The following NRCAM variants were observed in gnomAD, a reference collection of about 807,000 sequenced individuals.
NRCAM encodes NgCAM-related cell adhesion molecule.
In NRCAM, 83 loss-of-function variants were observed where a neutral mutation model predicts 156.5. That is an observed-to-expected ratio of 0.53 (90% CI 0.44 to 0.64). The LOEUF (loss-of-function observed/expected upper bound fraction) is 0.64, where lower values mean the gene tolerates loss of function less well. Ranked by LOEUF, NRCAM falls within the 30% of genes least tolerant of loss-of-function variation. The probability of loss-of-function intolerance (pLI) is 0.00; values close to 1 mark genes in which losing one functional copy is unlikely to be tolerated. For synonymous variants in NRCAM, 538 were observed against 563.9 expected (o/e 0.95, Z 0.65); for missense variants, 1,417 against 1,597.3 (o/e 0.89, Z 1.92).
intron 1 of NRCAM, among the ~76,000 whole-genome samples, chr7:108,412,740 C>T (rs1796977474): frequency 6.6e-6 from 1 of 152,122 alleles, no homozygotes; most frequent in African/African-American, 2.4e-5. Context: ...CCATTCTACT[C>T]TCTACTTCTA....
rs752667976 is a variant in NRCAM at position 108,189,742 on chromosome 7, G to C, written c.1938C>G (p.Val646=). The C allele has an allele frequency of 2.3e-6, 3 of 1,281,638 alleles. No individual in the cohort carries two copies. The Admixed American group carries it at 5.2e-5, about 22-fold the overall frequency. 79.4% of individuals were successfully genotyped at this position (1,281,638 alleles called of 1,614,324 possible). Residue 646 remains valine, a synonymous_variant, in exon 20 of 33, where the codon GTC becomes GTG. Coordinates refer to ENST00000379028, the MANE Select transcript of NRCAM (RefSeq NM_001037132.4). Reference sequence around the variant, plus strand: ...GTTCTAAGTCAAAGGGAGGATTTGGGACATCTGTAGACCAAACATACACAC... The same window carrying C: ...GTTCTAAGTCAAAGGGAGGATTTGGCACATCTGTAGACCAAACATACACAC... The part of the protein sequence containing the change: ...PTPTPAPVYD[V]PNPPFDLELT...
At chr7:108,407,725 T>A (rs908584926) in intron 1 of NRCAM, among the ~76,000 whole-genome samples, 1 of 152,222 alleles carries the variant, frequency 6.6e-6, no homozygotes, top group African/African-American at 2.4e-5. Context: ...CTGCTGGACT[T>A]GGGAATCACC....
chr7:108,424,040 G>GC (rs968891585), intron 1 of NRCAM, among the ~76,000 whole-genome samples: 1 of 152,146 alleles, frequency 6.6e-6, no homozygotes, highest in African/African-American at 2.4e-5. Flanking sequence ...TTCCAAATGT[G>GC]CCCCAGGGCA....
intron 12 of NRCAM, among the ~76,000 whole-genome samples, chr7:108,208,309 TAATA>T (rs1302762325): frequency 1.3e-5 from 2 of 151,894 alleles, no homozygotes; most frequent in East Asian, 1.9e-4. Context: ...CAACTCAAAA[TAATA>T]AATAAATAAA....
intron 28 of NRCAM, among the ~76,000 whole-genome samples, chr7:108,169,512 A>G (rs1265910941): frequency 6.6e-6 from 1 of 152,212 alleles, no homozygotes; most frequent in East Asian, 1.9e-4. Flanking sequence ...ATGTAATAAA[A>G]TTACATTTCT....
intron 2 of NRCAM, among the ~76,000 whole-genome samples, chr7:108,325,209 A>C (rs1181477041): frequency 6.6e-6 from 1 of 152,138 alleles, no homozygotes; most frequent in Non-Finnish European, 1.5e-5. Flanking sequence ...GTGTAAGCAG[A>C]AAGTTCTTGG....
chr7:108,449,007 C>T (rs1252116140), intron 1 of NRCAM, among the ~76,000 whole-genome samples: 2 of 152,150 alleles, frequency 1.3e-5, no homozygotes, highest in African/African-American at 2.4e-5. Context: ...AGAATATTTG[C>T]AATGCAATTA....
intron 2 of NRCAM, among the ~76,000 whole-genome samples, chr7:108,383,414 T>C (rs1156446075): frequency 2.0e-5 from 3 of 152,124 alleles, no homozygotes; most frequent in Non-Finnish European, 4.4e-5. Flanking sequence ...ACAAATAAGA[T>C]ACGGAGAAGG....
chr7:108,265,700 C>T (rs2097077994), intron 3 of NRCAM, among the ~76,000 whole-genome samples: 1 of 152,214 alleles, frequency 6.6e-6, no homozygotes, highest in Admixed American at 6.5e-5. Context: ...CAGGAGTTCT[C>T]TGAGATAGGT....
intron 3 of NRCAM, among the ~76,000 whole-genome samples, chr7:108,241,234 A>G (rs977229453): frequency 1.3e-5 from 2 of 152,204 alleles, no homozygotes; most frequent in Non-Finnish European, 2.9e-5. Context: ...TCCTCCAGGA[A>G]AGGACTGTCT....
chr7:108,430,511 GA>G (rs1823648915), intron 1 of NRCAM, among the ~76,000 whole-genome samples: 1 of 151,964 alleles, frequency 6.6e-6, no homozygotes, highest in African/African-American at 2.4e-5. Flanking sequence ...CCATGCAAGT[GA>G]AAGGACGGGG....
chr7:108,160,522 A>G, intron 30 of NRCAM, 30 bp from the exon 31 acceptor site: 1 of 1,609,658 alleles, frequency 6.2e-7, no homozygotes, highest in Non-Finnish European at 8.5e-7. Flanking sequence ...TGTTGGTGGC[A>G]ATAGGTTAAG....
At chr7:108,452,207 T>C (rs763352932) in intron 1 of NRCAM, among the ~76,000 whole-genome samples, 11 of 152,190 alleles carry the variant, frequency 7.2e-5, no homozygotes, top group Non-Finnish European at 1.0e-4. Flanking sequence ...GAGAGTAGAA[T>C]GGTGATTGCT....
At chr7:108,313,465 C>G (rs2098832263) in intron 2 of NRCAM, among the ~76,000 whole-genome samples, 1 of 152,170 alleles carries the variant, frequency 6.6e-6, no homozygotes, top group Non-Finnish European at 1.5e-5. Context: ...AGAAGTCGTA[C>G]TATCAACCTC....
intron 28 of NRCAM, among the ~76,000 whole-genome samples, chr7:108,174,960 G>T (rs768680901): frequency 6.6e-5 from 10 of 152,206 alleles, no homozygotes; most frequent in Non-Finnish European, 1.0e-4. Context: ...CTACCAGGCT[G>T]TTTTCATCAC....
intron 2 of NRCAM, among the ~76,000 whole-genome samples, chr7:108,386,985 A>G (rs1054972622): frequency 6.6e-6 from 1 of 152,050 alleles, no homozygotes; most frequent in African/African-American, 2.4e-5. Flanking sequence ...TCAAAAGCAG[A>G]GGAGTTCCCT....
intron 2 of NRCAM, among the ~76,000 whole-genome samples, chr7:108,385,098 T>C (rs1327646034): frequency 6.6e-6 from 1 of 152,236 alleles, no homozygotes; most frequent in Non-Finnish European, 1.5e-5. Flanking sequence ...AAGTGCTTTG[T>C]ACTCTAAAGT....
chr7:108,327,065 G>C (rs1192960851), intron 2 of NRCAM, among the ~76,000 whole-genome samples: 2 of 152,238 alleles, frequency 1.3e-5, no homozygotes, highest in East Asian at 3.9e-4. Context: ...AACACCAGCT[G>C]TTGCCAGAGC....
chr7:108,205,051 C>T (rs1032061789), intron 13 of NRCAM, among the ~76,000 whole-genome samples: 1 of 152,190 alleles, frequency 6.6e-6, no homozygotes, highest in African/African-American at 2.4e-5. Flanking sequence ...TACTCTGGTA[C>T]TATGGTCTGA....
Sources: gnomAD v4.1 joint callset for allele counts (sites outside exome capture counted in the v4.1 genomes callset) on GRCh38, gnomAD v4.1.1 for gene constraint, MANE v1.5 for transcripts, NCBI Gene and HGNC (gene_info 2026-07-23, HGNC 2026-07-21) for gene names.